AFDN: variants seen among roughly 807,000 people sequenced by gnomAD.
The protein encoded by AFDN is afadin, adherens junction formation factor.
AFDN carries 68 observed loss-of-function variants against 216.6 expected under a neutral mutation model. The ratio of observed to expected loss-of-function variants is 0.31; its 90% CI spans 0.26 to 0.38. The LOEUF is 0.38. AFDN is among the 10% of genes least tolerant of loss of function. The pLI is 1.00. For synonymous variants in AFDN, 868 were observed against 853.7 expected, an observed-to-expected ratio of 1.02 and a Z score of -0.29; for missense variants, 2,136 against 2,342.0, an observed-to-expected ratio of 0.91 and a Z score of 1.82.
chr6:167,837,927 A>G (rs942058260), intron 1 of AFDN, among the ~76,000 whole-genome samples: 1 of 152,236 alleles, frequency 6.6e-6, no homozygotes, highest in Non-Finnish European at 1.5e-5. Context: ...GCATAATGTA[A>G]TAAAACATCT....
At chr6:167,943,277 G>C in intron 24 of AFDN, 83 bp downstream of exon 24, 1 of 1,440,586 alleles carries the variant, frequency 6.9e-7, no homozygotes, top group Non-Finnish European at 9.8e-7. Flanking sequence ...GATACTTCTA[G>C]TTATGTAGCA....
At position 167,971,764 on chromosome 6, in the gene AFDN, C is replaced by T; in HGVS notation, c.*1829C>T. On this transcript the variant is annotated 3_prime_UTR_variant, in exon 34 of 34. Transcript: ENST00000683244. ...CCCATACACAAGTGGATTTGGCCAT[C>T]TTTGGGCAGTGAGGTCAAATGTGAA... The T allele has an allele frequency of 4.8e-6, 1 of 207,982 alleles. No homozygotes were observed. The highest frequency in any genetic ancestry group is 9.8e-6 in the Non-Finnish European group (1 of 102,086). The allele number at this position is 207,982 out of a possible 1,614,324, so 12.9% of individuals were successfully genotyped here.
In AFDN at chr6:167,917,243, G is replaced by A; in HGVS notation, c.2709+11G>A. On this transcript the variant is annotated intron_variant, in intron 20 of 33. Transcript: ENST00000683244. The stretch of plus-strand genomic sequence containing the variant: ...CCTTTTATCCCAACGGTGAGTGGAT[G>A]TTGCCACATTACCACACAGTGCGGG... 6.3e-7 allele frequency: 1 copy of A among 1,579,478 alleles called. No individual in the cohort carries two copies. The highest frequency in any genetic ancestry group is 8.6e-7 in the Non-Finnish European group (1 of 1,167,170).
At chr6:167,943,603 T>C (rs960979593) in intron 25 of AFDN, 128 bp downstream of exon 25, 2 of 689,410 alleles carry the variant, frequency 2.9e-6, no homozygotes, top group Admixed American at 2.6e-5. Flanking sequence ...TTTTATAGTG[T>C]ACGTGACATT....
chr6:167,948,652 A>C (rs1337036267), intron 29 of AFDN, among the ~76,000 whole-genome samples, 174 bp downstream of exon 29: 1 of 152,238 alleles, frequency 6.6e-6, no homozygotes, highest in African/African-American at 2.4e-5. Context: ...ACTTAATAAG[A>C]AAAAGGATTA....
chr6:167,930,101 C>T (rs1157188937), intron 23 of AFDN, among the ~76,000 whole-genome samples: 2 of 151,968 alleles, frequency 1.3e-5, no homozygotes, highest in African/African-American at 4.8e-5. Flanking sequence ...GTTACACTGG[C>T]GGCTGAGGCA....
At chr6:167,889,998 A>G (rs916334185) in intron 7 of AFDN, among the ~76,000 whole-genome samples, 2 of 152,266 alleles carry the variant, frequency 1.3e-5, no homozygotes, top group African/African-American at 4.8e-5. Flanking sequence ...TGCACTACTG[A>G]AACAATTTTC....
At chr6:167,864,815 C>A (rs1314769128) in intron 2 of AFDN, 69 bp downstream of exon 2, 5 of 1,467,334 alleles carry the variant, frequency 3.4e-6, no homozygotes, top group Non-Finnish European at 4.8e-6. Flanking sequence ...TGTCCAGGGT[C>A]ATTGTGGTCA....
intron 23 of AFDN, among the ~76,000 whole-genome samples, chr6:167,930,901 C>G (rs1793201345): frequency 6.6e-6 from 1 of 152,276 alleles, no homozygotes; most frequent in Non-Finnish European, 1.5e-5. Context: ...ATTTTTACAA[C>G]TCTGGAACAT....
At chr6:167,853,677 A>G (rs1782565627) in intron 1 of AFDN, among the ~76,000 whole-genome samples, 1 of 152,088 alleles carries the variant, frequency 6.6e-6, no homozygotes, top group Non-Finnish European at 1.5e-5. Flanking sequence ...TTGAAGATGT[A>G]ACCAAATACA....
intron 21 of AFDN, among the ~76,000 whole-genome samples, chr6:167,920,996 G>A (rs546910307): frequency 8.5e-5 from 13 of 152,124 alleles, no homozygotes; most frequent in Non-Finnish European, 2.9e-5. Context: ...TGTCCTCCAC[G>A]CTTAGTGAGG....
At chr6:167,924,787 C>A (rs1042290306) in intron 22 of AFDN, among the ~76,000 whole-genome samples, 1 of 152,182 alleles carries the variant, frequency 6.6e-6, no homozygotes, top group Non-Finnish European at 1.5e-5. Context: ...TGACTAAATT[C>A]ATCTTTAAGA....
chr6:167,897,352 G>C (rs2128379723), intron 10 of AFDN, among the ~76,000 whole-genome samples: 1 of 152,282 alleles, frequency 6.6e-6, no homozygotes, highest in South Asian at 2.1e-4. Flanking sequence ...ATTAAATTTA[G>C]CTTAATATGG....
intron 23 of AFDN, among the ~76,000 whole-genome samples, chr6:167,930,435 G>T (rs1035622835): frequency 6.6e-6 from 1 of 152,132 alleles, no homozygotes; most frequent in Non-Finnish European, 1.5e-5. Context: ...CATTATCCAT[G>T]GCTGTTTGCA....
At chr6:167,869,971 T>C (rs1784614764) in intron 2 of AFDN, among the ~76,000 whole-genome samples, 1 of 152,084 alleles carries the variant, frequency 6.6e-6, no homozygotes, top group African/African-American at 2.4e-5. Context: ...GGTATAACAT[T>C]AATGTGATGA....
rs1412004825 is a variant in AFDN, at chr6:167,972,017, A to G, written c.*2082A>G. 1 of 185,812 alleles carries G rather than the reference A, an allele frequency of 5.4e-6. No individual in the cohort carries two copies. The highest frequency in any genetic ancestry group is 1.1e-5 in the Non-Finnish European group (1 of 88,014). 11.5% of individuals were successfully genotyped at this position (185,812 alleles called of 1,614,324 possible). On this transcript the variant is annotated 3_prime_UTR_variant, in exon 34 of 34. Transcript: ENST00000683244. Reference sequence around the variant, plus strand: ...TCTCTTCTTCATTAAACACTTACTGAGTATGATTTCTGTGTCAGGCAGTGG... The same window carrying G: ...TCTCTTCTTCATTAAACACTTACTGGGTATGATTTCTGTGTCAGGCAGTGG...
intron 23 of AFDN, among the ~76,000 whole-genome samples, chr6:167,933,342 A>G (rs1793563755): frequency 6.6e-6 from 1 of 152,248 alleles, no homozygotes. Context: ...TAAGATTCCT[A>G]TGCCCTAAAA....
In AFDN at chr6:167,970,011, G is replaced by C. The variant is rs1797918732; in HGVS notation, c.*76G>C. On this transcript the variant is annotated 3_prime_UTR_variant, in exon 34 of 34. Coordinates refer to ENST00000683244, the MANE Select transcript of AFDN (RefSeq NM_001386888.1). ...GGGTTTGTAGGTGCGAGTTTGAAGA[G>C]GAAAAGAGGAAGGGGGTTATATTTC... is the stretch of plus-strand genomic sequence containing the variant. The C allele has an allele frequency of 1.7e-5, 20 of 1,156,102 alleles. No individual in the cohort carries two copies. In the South Asian group the frequency reaches 2.9e-4, roughly 17 times the overall value. 71.6% of individuals were successfully genotyped at this position (1,156,102 alleles called of 1,614,324 possible).
At chr6:167,875,872 A>G (rs1019797315) in intron 5 of AFDN, among the ~76,000 whole-genome samples, 1 of 152,200 alleles carries the variant, frequency 6.6e-6, no homozygotes, top group Non-Finnish European at 1.5e-5. Flanking sequence ...CTAACTTCTC[A>G]TTCTTTCAAC....
Sources: gnomAD v4.1 joint callset for allele counts (sites outside exome capture counted in the v4.1 genomes callset) on GRCh38, gnomAD v4.1.1 for gene constraint, MANE v1.5 for transcripts, NCBI Gene and HGNC (gene_info 2026-07-23, HGNC 2026-07-21) for gene names.